PTPRD: variants seen among roughly 807,000 people sequenced by gnomAD.
PTPRD encodes protein tyrosine phosphatase receptor type D, also known as receptor-type tyrosine-protein phosphatase delta.
In PTPRD, 34 loss-of-function variants were observed where a neutral mutation model predicts 214.5. The observed-to-expected ratio is 0.16, with a 90% confidence interval of 0.12 to 0.21. The LOEUF (loss-of-function observed/expected upper bound fraction) is 0.21, where lower values mean the gene tolerates loss of function less well. Ranked by LOEUF, PTPRD falls within the 10% of genes least tolerant of loss-of-function variation. The pLI is 1.00. For missense variants in PTPRD, 2,545 were observed against 2,398.7 expected, an observed-to-expected ratio of 1.06 and a Z score of -1.27; for synonymous variants, 1,128 against 845.7, an observed-to-expected ratio of 1.33 and a Z score of -5.79.
chr9:9,966,986 G>A (rs1269645960), intron 4 of PTPRD, among the ~76,000 whole-genome samples: 2 of 152,096 alleles, frequency 1.3e-5, no homozygotes, highest in African/African-American at 4.8e-5. Context: ...TCTGAATAAT[G>A]GAGAGTTTAG....
intron 3 of PTPRD, among the ~76,000 whole-genome samples, chr9:10,096,574 T>C (rs1462520473): frequency 6.6e-6 from 1 of 151,984 alleles, no homozygotes; most frequent in Non-Finnish European, 1.5e-5. Context: ...ATGCCCACTT[T>C]TTGATGGGGT....
At chr9:8,453,123 T>G (rs2096026888) in intron 33 of PTPRD, among the ~76,000 whole-genome samples, 1 of 152,172 alleles carries the variant, frequency 6.6e-6, no homozygotes, top group Non-Finnish European at 1.5e-5. Context: ...TTCAACTCTC[T>G]CATTTTAATA....
chr9:9,635,146 T>C (rs1316485295), intron 7 of PTPRD, among the ~76,000 whole-genome samples: 3 of 152,182 alleles, frequency 2.0e-5, no homozygotes, highest in Non-Finnish European at 2.9e-5. Context: ...CCACACAAAC[T>C]GGAATAAGCC....
chr9:9,851,899 T>G (rs1313156176), intron 5 of PTPRD, among the ~76,000 whole-genome samples: 1 of 152,212 alleles, frequency 6.6e-6, no homozygotes. Flanking sequence ...ACAACATCAT[T>G]GTCATAAAAG....
intron 11 of PTPRD, among the ~76,000 whole-genome samples, chr9:8,947,574 G>A (rs1317759609): frequency 6.6e-6 from 1 of 151,878 alleles, no homozygotes; most frequent in African/African-American, 2.4e-5. Context: ...ATCCTCCTAT[G>A]TTTCAAGGAC....
At chr9:8,586,328 T>C (rs1317266281) in intron 14 of PTPRD, among the ~76,000 whole-genome samples, 1 of 152,114 alleles carries the variant, frequency 6.6e-6, no homozygotes, top group Admixed American at 6.5e-5. Flanking sequence ...TAATATCTTG[T>C]GTATTATAAA....
At chr9:8,893,742 G>T (rs367762521) in intron 11 of PTPRD, among the ~76,000 whole-genome samples, 4 of 152,104 alleles carry the variant, frequency 2.6e-5, no homozygotes, top group Admixed American at 2.6e-4. Context: ...TGAAAATGTG[G>T]TATATTAATT....
intron 14 of PTPRD, among the ~76,000 whole-genome samples, chr9:8,601,423 C>A (rs979068437): frequency 6.6e-6 from 1 of 152,152 alleles, no homozygotes; most frequent in African/African-American, 2.4e-5. Flanking sequence ...TTACAGCAGG[C>A]CTTGGGCAAG....
chr9:9,561,120 T>C (rs2082835690), intron 8 of PTPRD, among the ~76,000 whole-genome samples: 1 of 152,138 alleles, frequency 6.6e-6, no homozygotes, highest in South Asian at 2.1e-4. Flanking sequence ...GTAGAGCCAA[T>C]GATGGCCTTC....
At chr9:10,172,157 G>A (rs1648409029) in intron 3 of PTPRD, among the ~76,000 whole-genome samples, 1 of 152,064 alleles carries the variant, frequency 6.6e-6, no homozygotes, top group Non-Finnish European at 1.5e-5. Flanking sequence ...AAAGTTACTT[G>A]GTTCTAGTGG....
At chr9:9,886,999 CA>C (rs1048660592) in intron 5 of PTPRD, among the ~76,000 whole-genome samples, 1 of 152,054 alleles carries the variant, frequency 6.6e-6, no homozygotes, top group African/African-American at 2.4e-5. Context: ...TGATCCACAA[CA>C]AACCATGAGA....
chr9:9,993,125 G>A (rs968337978), intron 4 of PTPRD, among the ~76,000 whole-genome samples: 3 of 152,090 alleles, frequency 2.0e-5, no homozygotes, highest in Non-Finnish European at 4.4e-5. Flanking sequence ...ATTCCCATGT[G>A]TATAATCACT....
At chr9:8,325,692 G>T (rs902157816) in intron 44 of PTPRD, among the ~76,000 whole-genome samples, 5 of 151,988 alleles carry the variant, frequency 3.3e-5, no homozygotes, top group African/African-American at 1.2e-4. Flanking sequence ...CCATTTTCAC[G>T]ATATTGATTC....
intron 6 of PTPRD, among the ~76,000 whole-genome samples, chr9:9,760,033 G>A (rs573179004): frequency 1.3e-5 from 2 of 152,174 alleles, no homozygotes; most frequent in African/African-American, 4.8e-5. Context: ...AGATTGCCAA[G>A]ATTGTCTATC....
chr9:10,217,239 T>G (rs1304060843), intron 3 of PTPRD, among the ~76,000 whole-genome samples: 1 of 151,760 alleles, frequency 6.6e-6, no homozygotes, highest in Non-Finnish European at 1.5e-5. Flanking sequence ...TATTGGCACA[T>G]CTAGTATCAG....
intron 14 of PTPRD, among the ~76,000 whole-genome samples, chr9:8,538,249 C>A (rs114083065): frequency 1.5e-3 from 233 of 151,986 alleles, no homozygotes; most frequent in African/African-American, 5.6e-3. Context: ...TAATTAACCA[C>A]TTTACCGAAA....
chr9:9,984,889 C>A (rs113442949), intron 4 of PTPRD, among the ~76,000 whole-genome samples: 3 of 152,220 alleles, frequency 2.0e-5, no homozygotes, highest in African/African-American at 4.8e-5. Context: ...TCCTGACCAA[C>A]CATGCACACC....
At chr9:8,433,016 A>C (rs972588125) in intron 35 of PTPRD, among the ~76,000 whole-genome samples, 2 of 152,228 alleles carry the variant, frequency 1.3e-5, no homozygotes, top group Non-Finnish European at 2.9e-5. Flanking sequence ...TTTCTTGAAA[A>C]TTCCACATTT....
intron 11 of PTPRD, among the ~76,000 whole-genome samples, chr9:8,952,314 T>G (rs2099106518): frequency 6.6e-6 from 1 of 151,974 alleles, no homozygotes; most frequent in South Asian, 2.1e-4. Flanking sequence ...CAGATAAAAA[T>G]TCAGCATATT....
Sources: allele counts gnomAD v4.1 joint callset (sites outside exome capture counted in the v4.1 genomes callset), GRCh38; gene constraint gnomAD v4.1.1; transcripts MANE v1.5; gene names NCBI Gene and HGNC (gene_info 2026-07-23, HGNC 2026-07-21).